Variants in SNTB1 observed in about 807,000 individuals in gnomAD.
SNTB1 encodes syntrophin beta 1, also known as beta-1-syntrophin.
A neutral mutation model predicts 48.9 loss-of-function variants in SNTB1; 36 were observed. The observed-to-expected ratio is 0.74, with a 90% confidence interval of 0.56 to 0.97. The LOEUF (loss-of-function observed/expected upper bound fraction) is 0.97, where lower values mean the gene tolerates loss of function less well. Ranked by LOEUF, SNTB1 falls within the 50% of genes least tolerant of loss-of-function variation. The pLI is 0.00. For missense variants in SNTB1, 786 were observed against 703.4 expected, an observed-to-expected ratio of 1.12 and a Z score of -1.33; for synonymous variants, 299 against 294.6, an observed-to-expected ratio of 1.01 and a Z score of -0.15.
intron 3 of SNTB1, among the ~76,000 whole-genome samples, chr8:120,583,668 A>G (rs1294450289): frequency 6.6e-6 from 1 of 152,202 alleles, no homozygotes; most frequent in African/African-American, 2.4e-5. Context: ...ATTCTATCAA[A>G]TAGTTAAGAA....
intron 1 of SNTB1, among the ~76,000 whole-genome samples, chr8:120,722,831 G>C (rs1482360106): frequency 6.6e-6 from 1 of 152,128 alleles, no homozygotes; most frequent in Non-Finnish European, 1.5e-5. Flanking sequence ...CCTATGTCCT[G>C]AATGGTATTG....
chr8:120,785,533 A>T (rs1039976884), intron 1 of SNTB1, among the ~76,000 whole-genome samples: 2 of 152,228 alleles, frequency 1.3e-5, no homozygotes, highest in Non-Finnish European at 2.9e-5. Flanking sequence ...ACATTACTGC[A>T]GCAGCCTGAG....
chr8:120,544,214 A>G (rs1277967459), intron 5 of SNTB1, among the ~76,000 whole-genome samples: 1 of 152,170 alleles, frequency 6.6e-6, no homozygotes, highest in African/African-American at 2.4e-5. Context: ...TTCTGAATTA[A>G]CTGATTGTGA....
At chr8:120,716,266 T>A (rs181744499) in intron 1 of SNTB1, among the ~76,000 whole-genome samples, 1 of 152,364 alleles carries the variant, frequency 6.6e-6, no homozygotes, top group African/African-American at 2.4e-5. Flanking sequence ...TGTGCAGAGT[T>A]CCATTATTAT....
At chr8:120,793,659 G>A (rs1446850782) in intron 1 of SNTB1, among the ~76,000 whole-genome samples, 1 of 151,952 alleles carries the variant, frequency 6.6e-6, no homozygotes, top group Non-Finnish European at 1.5e-5. Context: ...AGGGTCTAAG[G>A]AGTTGTGTAA....
chr8:120,772,393 G>A (rs532562380), intron 1 of SNTB1, among the ~76,000 whole-genome samples: 21 of 151,406 alleles, frequency 1.4e-4, no homozygotes, highest in East Asian at 5.9e-4. Context: ...TTATAGGTGC[G>A]CACCACCACA....
intron 3 of SNTB1, among the ~76,000 whole-genome samples, chr8:120,616,920 C>T (rs1285646368): frequency 1.3e-5 from 2 of 152,174 alleles, no homozygotes; most frequent in South Asian, 4.1e-4. Context: ...GAACGTGGCT[C>T]CTGCAGAGCG....
At chr8:120,608,401 T>C (rs920604235) in intron 3 of SNTB1, among the ~76,000 whole-genome samples, 3 of 152,156 alleles carry the variant, frequency 2.0e-5, no homozygotes, top group African/African-American at 7.2e-5. Flanking sequence ...GTATTTTAAG[T>C]AAAATAAAGT....
At chr8:120,640,351 C>G (rs10099834) in intron 2 of SNTB1, among the ~76,000 whole-genome samples, 3,531 of 152,250 alleles carry the variant, frequency 0.023, 130 homozygotes, top group African/African-American at 0.081. Flanking sequence ...TCATCATTTC[C>G]TAATTGAATA....
At chr8:120,610,854 C>T (rs952439470) in intron 3 of SNTB1, among the ~76,000 whole-genome samples, 5 of 152,194 alleles carry the variant, frequency 3.3e-5, no homozygotes, top group African/African-American at 9.7e-5. Context: ...CAATTAACAA[C>T]GGCCTAACCA....
intron 1 of SNTB1, among the ~76,000 whole-genome samples, chr8:120,701,338 C>T (rs1211556305): frequency 6.6e-6 from 1 of 152,164 alleles, no homozygotes; most frequent in Non-Finnish European, 1.5e-5. Flanking sequence ...ACTAGCTCTC[C>T]AGCCCTGGGC....
chr8:120,712,412 C>T (rs1017949970), intron 1 of SNTB1, among the ~76,000 whole-genome samples: 1 of 102,682 alleles, frequency 9.7e-6, no homozygotes, highest in African/African-American at 4.0e-5. Context: ...GAGACTCCAT[C>T]TCAAAAAAAA....
intron 1 of SNTB1, among the ~76,000 whole-genome samples, chr8:120,808,606 T>C (rs1227597105): frequency 2.6e-5 from 4 of 152,224 alleles, no homozygotes; most frequent in African/African-American, 7.2e-5. Flanking sequence ...TGTTCTTCCA[T>C]ACAGCAGCCC....
intron 2 of SNTB1, among the ~76,000 whole-genome samples, chr8:120,670,103 G>A (rs1817734450): frequency 6.6e-6 from 1 of 152,166 alleles, no homozygotes; most frequent in Non-Finnish European, 1.5e-5. Context: ...TCTATTGTCA[G>A]ACATTTGTTG....
chr8:120,568,239 A>G (rs1815784678), intron 4 of SNTB1, among the ~76,000 whole-genome samples: 1 of 152,136 alleles, frequency 6.6e-6, no homozygotes, highest in Non-Finnish European at 1.5e-5. Flanking sequence ...CCACAAGGAG[A>G]TAAGAGTTTC....
At chr8:120,557,120 G>T (rs1320456065) in intron 4 of SNTB1, among the ~76,000 whole-genome samples, 1 of 152,166 alleles carries the variant, frequency 6.6e-6, no homozygotes, top group Non-Finnish European at 1.5e-5. Flanking sequence ...ATACGGAAAG[G>T]TTTCCTAACA....
intron 1 of SNTB1, among the ~76,000 whole-genome samples, chr8:120,796,861 T>C (rs529370000): frequency 6.6e-6 from 1 of 152,200 alleles, no homozygotes; most frequent in South Asian, 2.1e-4. Context: ...GTGTTTTATA[T>C]GTATGCTCTT....
chr8:120,671,680 A>G (rs1382475990), intron 2 of SNTB1, among the ~76,000 whole-genome samples: 1 of 152,228 alleles, frequency 6.6e-6, no homozygotes, highest in Non-Finnish European at 1.5e-5. Context: ...ATACATTTCT[A>G]TTGTTTAAGA....
chr8:120,548,970 G>C lies in SNTB1; in HGVS notation c.1137-12C>G. The C allele has an allele frequency of 7.2e-6, 11 of 1,536,700 alleles. No homozygotes were observed. The highest frequency in any genetic ancestry group is 9.6e-6 in the Non-Finnish European group (11 of 1,144,288). ...CTGAATGGACCAGCCTGGAGAGAGA[G>C]AGAGAGAGACATCATCAAAATGGAG... On this transcript the variant is annotated splice_polypyrimidine_tract_variant and intron_variant, in intron 4 of 6. Transcript: ENST00000517992.
Sources: allele counts gnomAD v4.1 joint callset (sites outside exome capture counted in the v4.1 genomes callset), GRCh38; gene constraint gnomAD v4.1.1; transcripts MANE v1.5; gene names NCBI Gene and HGNC (gene_info 2026-07-23, HGNC 2026-07-21).